KCNQ1: variants seen among roughly 807,000 people sequenced by gnomAD.
The protein encoded by KCNQ1 is potassium voltage-gated channel subfamily Q member 1, also known as potassium voltage-gated channel subfamily KQT member 1.
In KCNQ1, 49 loss-of-function variants were observed where a neutral mutation model predicts 72.4. The observed-to-expected ratio is 0.68, with a 90% CI of 0.54 to 0.86. The LOEUF (loss-of-function observed/expected upper bound fraction) is 0.86. Among genes scored for constraint, KCNQ1 ranks in the 40% least tolerant of loss-of-function variants. The pLI is 0.00. For missense variants in KCNQ1, 790 were observed against 945.1 expected, an observed-to-expected ratio of 0.84 and a Z score of 2.15; for synonymous variants, 450 against 412.6, an observed-to-expected ratio of 1.09 and a Z score of -1.10.
rs530567671 is a variant in KCNQ1 at position 2,769,606 on chromosome 11, G to A, written c.1590+687G>A. Among the ~76,000 whole-genome samples, 209 of 152,354 alleles carry A rather than the reference G, an allele frequency of 1.4e-3. No homozygotes were observed. Among genetic ancestry groups the A allele is most frequent in the African/African-American group, 4.9e-3 (202 of 41,582 alleles). On this transcript the variant is annotated intron_variant, in intron 12 of 15. Coordinates refer to ENST00000155840, the MANE Select transcript of KCNQ1 (RefSeq NM_000218.3). This position sits in a 1 kb window ranked among gnomAD's most constrained non-coding sequence, Gnocchi z 4.6. ...CCCTCCTGCCTTGGGGACATTCCTC[G>A]GATGAAGGCGGTGGTGGGGGGTACT...
Position 2,488,558 on chromosome 11 carries a change from T to C in KCNQ1, c.387-39370T>C, listed in dbSNP as rs1846779958. Among the ~76,000 whole-genome samples the C allele has an allele frequency of 6.6e-6, 1 of 152,196 alleles. No individual in the cohort carries two copies. The highest frequency in any genetic ancestry group is 1.5e-5 in the Non-Finnish European group (1 of 68,028). ...GTTATAGGTCCATGAAGATTTTGTA[T>C]TTCTTTGTGATTTAGTTTTGGTAGG... is the stretch of plus-strand genomic sequence containing the variant. On this transcript the variant is annotated intron_variant, in intron 1 of 15. Coordinates refer to ENST00000155840, the MANE Select transcript of KCNQ1 (RefSeq NM_000218.3). The surrounding 1 kb of genome is among the most constrained non-coding windows in gnomAD (Gnocchi z 5.1).
At chr11:2,522,754 G>A (rs1038130894) in intron 1 of KCNQ1, among the ~76,000 whole-genome samples, 1 of 152,332 alleles carries the variant, frequency 6.6e-6, no homozygotes, top group South Asian at 2.1e-4. Context: ...GCGGGGGAAC[G>A]TTCCTCAGCC....
intron 10 of KCNQ1, chr11:2,656,568 T>C: frequency 2.5e-6 from 1 of 398,680 alleles, no homozygotes; most frequent in Non-Finnish European, 4.4e-6. Flanking sequence ...TCATCAGCCT[T>C]TTGGATTCCT....
At chr11:2,630,291 G>A (rs1253001167) in intron 10 of KCNQ1, 1 of 397,940 alleles carries the variant, frequency 2.5e-6, no homozygotes, top group African/African-American at 2.1e-5. Context: ...TTTTTTTAAT[G>A]TGCTGTTAAA....
At chr11:2,585,409 C>T (rs994127985) in intron 8 of KCNQ1, 102 bp downstream of exon 8, 1 of 1,083,070 alleles carries the variant, frequency 9.2e-7, no homozygotes. Context: ...GCCCCTGCAT[C>T]AGCTTGGCTG....
chr11:2,694,642 C>A (rs1850643768), intron 11 of KCNQ1: 2 of 398,638 alleles, frequency 5.0e-6, no homozygotes, highest in East Asian at 7.1e-5. Context: ...CAACAGAAAT[C>A]TGTGACACAC....
intron 10 of KCNQ1, among the ~76,000 whole-genome samples, chr11:2,607,407 C>T (rs1848898131): frequency 6.6e-6 from 1 of 152,024 alleles, no homozygotes; most frequent in South Asian, 2.1e-4. Flanking sequence ...AATCCTAACC[C>T]CCAATGTTGG....
In KCNQ1 at chr11:2,588,095, G is replaced by T. The variant is rs974752495; in HGVS notation, c.1251+403G>T. On this transcript the variant is annotated intron_variant, in intron 9 of 15. Coordinates refer to ENST00000155840, the MANE Select transcript of KCNQ1 (RefSeq NM_000218.3). The surrounding 1 kb of genome is among the most constrained non-coding windows in gnomAD (Gnocchi z 5.6). ...CAGCAGGGGAGGGAGGTGAGGCAGG[G>T]GTGCAGCGAAGGGGGTCTGGAGGTC... Among the ~76,000 whole-genome samples, 1 of 152,222 alleles carries T rather than the reference G, an allele frequency of 6.6e-6. No individual in the cohort carries two copies. The highest frequency in any genetic ancestry group is 2.4e-5 in the African/African-American group (1 of 41,522).
At chr11:2,776,540 T>C (rs974222325) in intron 13 of KCNQ1, among the ~76,000 whole-genome samples, 1 of 152,142 alleles carries the variant, frequency 6.6e-6, no homozygotes, top group Non-Finnish European at 1.5e-5. Context: ...TGTGGGGAGC[T>C]AATGTGTTCC....
chr11:2,467,719 C>T (rs985533189), intron 1 of KCNQ1, among the ~76,000 whole-genome samples: 4 of 152,208 alleles, frequency 2.6e-5, no homozygotes, highest in Non-Finnish European at 5.9e-5. Context: ...CACACGGGCC[C>T]AGTGCACACA....
intron 15 of KCNQ1, among the ~76,000 whole-genome samples, chr11:2,780,844 C>T (rs1415758740): frequency 2.6e-5 from 4 of 152,168 alleles, no homozygotes; most frequent in Non-Finnish European, 4.4e-5. Flanking sequence ...TCTCCCTTCT[C>T]GTCACAGTCC....
chr11:2,569,272 G>A (rs904033545), intron 2 of KCNQ1, among the ~76,000 whole-genome samples: 4 of 152,224 alleles, frequency 2.6e-5, no homozygotes, highest in African/African-American at 9.6e-5. Context: ...TTGACGTCAT[G>A]AGCCAAAAAC....
intron 15 of KCNQ1, among the ~76,000 whole-genome samples, chr11:2,806,118 G>A (rs1847368049): frequency 6.6e-6 from 1 of 152,208 alleles, no homozygotes; most frequent in Non-Finnish European, 1.5e-5. Context: ...TCTGGGGTGG[G>A]AGGTGGTGCC....
rs1352989032 is a variant in KCNQ1, at chr11:2,471,257, C to G, written c.386+25773C>G. Among the ~76,000 whole-genome samples, 3 of 152,140 alleles carry G rather than the reference C, an allele frequency of 2.0e-5. No individual in the cohort carries two copies. The highest frequency in any genetic ancestry group is 6.5e-5 in the Admixed American group (1 of 15,282). ...GCTTCAGGGTCCCCAACTTTTCAGA[C>G]CCCACCTCTGTGTTGCTCTGCAAGT... is the stretch of plus-strand genomic sequence containing the variant. On this transcript the variant is annotated intron_variant, in intron 1 of 15. Coordinates refer to ENST00000155840, the MANE Select transcript of KCNQ1 (RefSeq NM_000218.3). The surrounding 1 kb of genome is among the most constrained non-coding windows in gnomAD (Gnocchi z 4.8).
rs992048527 is a variant in KCNQ1, at chr11:2,817,237, AG to A, written c.1795-30529del. Among the ~76,000 whole-genome samples, 106 of 152,346 alleles carry A rather than the reference AG, an allele frequency of 7.0e-4. 1 individual carries two copies. The highest frequency in any genetic ancestry group is 2.5e-3 in the African/African-American group (104 of 41,580). ...GCCTTTGACATGAAAATGTTTTTGC[AG>A]CAGGCTCGGATGCCAGCATTTTTGT... is the stretch of plus-strand genomic sequence containing the variant. On this transcript the variant is annotated intron_variant, in intron 15 of 15. Coordinates refer to ENST00000155840, the MANE Select transcript of KCNQ1 (RefSeq NM_000218.3). This position sits in a 1 kb window ranked among gnomAD's most constrained non-coding sequence, Gnocchi z 6.1.
chr11:2,694,417 C>T (rs1381701725), intron 11 of KCNQ1: 2 of 398,522 alleles, frequency 5.0e-6, no homozygotes, highest in Non-Finnish European at 8.8e-6. Context: ...AGGTAGAGAC[C>T]AGGCAGGGTG....
chr11:2,655,112 T>C (rs936992896), intron 10 of KCNQ1: 1 of 398,616 alleles, frequency 2.5e-6, no homozygotes, highest in Non-Finnish European at 4.4e-6. Flanking sequence ...CAAATCCCCC[T>C]ATCGAGCAGG....
rs1302899567 is a variant in KCNQ1, at chr11:2,683,339, A to T, written c.1514+21258A>T. ...GGCCAGGTTTCCCCCGCTCAACACT[A>T]GGCCACTGTGCCTGCCACTGCTGTC... On this transcript the variant is annotated intron_variant, in intron 11 of 15. Coordinates refer to ENST00000155840, the MANE Select transcript of KCNQ1 (RefSeq NM_000218.3). The surrounding 1 kb of genome is among the most constrained non-coding windows in gnomAD (Gnocchi z 4.7). 1 of 398,398 alleles carries T rather than the reference A, an allele frequency of 2.5e-6. No homozygotes were observed. Among genetic ancestry groups the T allele is most frequent in the Non-Finnish European group, 4.4e-6 (1 of 226,054 alleles). 24.7% of individuals were successfully genotyped at this position (398,398 alleles called of 1,614,324 possible). A position where few individuals can be genotyped will look rare whatever the true frequency, so the allele number is the denominator to read the frequency against.
At chr11:2,835,920 A>G (rs1196444164) in intron 15 of KCNQ1, among the ~76,000 whole-genome samples, 2 of 152,096 alleles carry the variant, frequency 1.3e-5, no homozygotes, top group Non-Finnish European at 2.9e-5. Context: ...GGGTAAGCAG[A>G]TGACAGGGCA....
Sources: allele counts gnomAD v4.1 joint callset (sites outside exome capture counted in the v4.1 genomes callset), GRCh38; gene constraint gnomAD v4.1.1; non-coding constraint Gnocchi (gnomAD v3.1); transcripts MANE v1.5; gene names NCBI Gene and HGNC (gene_info 2026-07-23, HGNC 2026-07-21).